Variants in ATP13A5 observed in about 807,000 individuals in gnomAD.
ATP13A5 encodes probable cation-transporting ATPase 13A5.
In ATP13A5, 149 loss-of-function variants were observed where a neutral mutation model predicts 150.2. The ratio of observed to expected loss-of-function variants is 0.99; its 90% CI spans 0.87 to 1.14. ATP13A5 has a LOEUF of 1.14. Among genes scored for constraint, ATP13A5 ranks in the 50% most tolerant of loss-of-function variants. The pLI is 0.00. For missense variants in ATP13A5, 1,383 were observed against 1,449.3 expected, an observed-to-expected ratio of 0.95 and a Z score of 0.74; for synonymous variants, 497 against 522.2, an observed-to-expected ratio of 0.95 and a Z score of 0.66.
At chr3:193,370,619 C>G (rs889027617) in intron 1 of ATP13A5, among the ~76,000 whole-genome samples, 1 of 152,118 alleles carries the variant, frequency 6.6e-6, no homozygotes, top group African/African-American at 2.4e-5. Flanking sequence ...TCACTATTGT[C>G]TAGGGTTATT....
chr3:193,357,995 A>C (rs1712855300), intron 5 of ATP13A5, among the ~76,000 whole-genome samples: 18 of 152,150 alleles, frequency 1.2e-4, no homozygotes, highest in Admixed American at 1.2e-3. Context: ...TTAACTTACC[A>C]ATAATTGTTA....
chr3:193,290,194 G>A, intron 25 of ATP13A5, 135 bp from the exon 26 acceptor site: 1 of 814,456 alleles, frequency 1.2e-6, no homozygotes, highest in Non-Finnish European at 1.8e-6. Flanking sequence ...TTTACACCTA[G>A]GTAAGCACAT....
chr3:193,333,852 C>T lies in ATP13A5; in HGVS notation c.1170G>A (p.Leu390=), dbSNP rs769266324. The T allele has an allele frequency of 6.2e-6, 10 of 1,613,836 alleles. No homozygotes were observed. Among genetic ancestry groups the T allele is most frequent in the Middle Eastern group, 1.6e-4 (1 of 6,072 alleles). Residue 390 remains leucine (L), a synonymous_variant, in exon 11 of 30, where the codon CTG becomes CTA. Coordinates refer to ENST00000342358, the MANE Select transcript of ATP13A5 (RefSeq NM_198505.4). ...AGGCATCGCTGTATAGTTTGAAGTT[C>T]AGAGGCCGGGGGTACAGGATGGATC... is the stretch of plus-strand genomic sequence containing the variant. ...LVRSILYPRP[L]NFKLYSDAFK... is the part of the protein sequence containing the mutation.
rs1372027176 is a variant in ATP13A5 at position 193,314,140 on chromosome 3, G to C, written c.2212C>G (p.Pro738Ala). 9.9e-6 allele frequency: 16 copies of C among 1,613,792 alleles called. No homozygotes were observed. In the East Asian group the frequency reaches 3.3e-4, roughly 34 times the overall value. The part of the protein sequence containing the change: ...TVAKNSEMIP[P>A]GSQVIIVEAD... ...TCAACAATGATCACTTGGCTGCCTGGAGGGATCATTTCAGAATTCTTTGCA... is the reference window on the plus strand; with the variant it reads ...TCAACAATGATCACTTGGCTGCCTGCAGGGATCATTTCAGAATTCTTTGCA... The change falls in exon 19 of 30, where the codon CCA (proline) becomes GCA (alanine). Residue 738 changes from proline to alanine, a missense_variant. By Grantham distance (27) the Pro-to-Ala change is conservative. Transcript: ENST00000342358.
At chr3:193,362,890 G>C (rs1275968400) in intron 3 of ATP13A5, among the ~76,000 whole-genome samples, 3 of 151,966 alleles carry the variant, frequency 2.0e-5, no homozygotes, top group African/African-American at 2.4e-5. Flanking sequence ...GACCTCCCAG[G>C]TTCAATCGAT....
chr3:193,321,126 G>A (rs1280958598), intron 16 of ATP13A5, among the ~76,000 whole-genome samples: 1 of 152,086 alleles, frequency 6.6e-6, no homozygotes, highest in Non-Finnish European at 1.5e-5. Flanking sequence ...GGCTCCTGAT[G>A]CAAGCTTCAC....
At chr3:193,349,059 T>G (rs1712463685) in intron 7 of ATP13A5, among the ~76,000 whole-genome samples, 1 of 152,190 alleles carries the variant, frequency 6.6e-6, no homozygotes. Flanking sequence ...ACATTGTGAA[T>G]GTGGGCGCCT....
chr3:193,298,516 G>T (rs1231830602), intron 25 of ATP13A5, among the ~76,000 whole-genome samples: 1 of 151,972 alleles, frequency 6.6e-6, no homozygotes, highest in African/African-American at 2.4e-5. Flanking sequence ...TTCATAACAT[G>T]CCTATTGTTG....
At chr3:193,325,114 G>A in intron 13 of ATP13A5, 100 bp from the exon 14 acceptor site, 1 of 1,181,792 alleles carries the variant, frequency 8.5e-7, no homozygotes, top group Non-Finnish European at 1.2e-6. Context: ...TAACGTTCAT[G>A]CTCAGAACCT....
At position 193,286,923 on chromosome 3, in the gene ATP13A5, T is replaced by C. The variant is rs555231312; in HGVS notation, c.3024-1807A>G. 5.3e-5 allele frequency among the ~76,000 whole-genome samples: 8 copies of C among 152,262 alleles called. No homozygotes were observed. The East Asian group carries it at 1.4e-3, about 26-fold the overall frequency. On this transcript the variant is annotated intron_variant, in intron 26 of 29. Transcript: ENST00000342358. ...TTCTTGAAGAAAATTAAAAGTGTTA[T>C]TCCAGTGAACACATGAACAATAAGG... is the stretch of plus-strand genomic sequence containing the variant.
At chr3:193,340,633 G>A (rs1712081154) in intron 9 of ATP13A5, among the ~76,000 whole-genome samples, 2 of 152,174 alleles carry the variant, frequency 1.3e-5, no homozygotes, top group African/African-American at 4.8e-5. Context: ...GCGGCAGAGT[G>A]CATGCCACCC....
intron 21 of ATP13A5, among the ~76,000 whole-genome samples, chr3:193,308,267 A>G (rs1022257158): frequency 3.3e-5 from 5 of 151,990 alleles, no homozygotes; most frequent in Non-Finnish European, 2.9e-5. Context: ...AGACCAGCCT[A>G]GCCAACACAG....
chr3:193,329,132 C>G (rs1163432632), intron 12 of ATP13A5, among the ~76,000 whole-genome samples: 11 of 152,070 alleles, frequency 7.2e-5, no homozygotes, highest in Non-Finnish European at 1.2e-4. Context: ...GTAATCCCAG[C>G]TACTCGGGAG....
At chr3:193,309,966 C>T (rs1203523714) in intron 21 of ATP13A5, among the ~76,000 whole-genome samples, 1 of 151,984 alleles carries the variant, frequency 6.6e-6, no homozygotes, top group Non-Finnish European at 1.5e-5. Flanking sequence ...ATTTCATCAC[C>T]CAGGAATTAA....
At chr3:193,307,193 G>C in intron 22 of ATP13A5, 134 bp downstream of exon 22, 1 of 1,536,436 alleles carries the variant, frequency 6.5e-7, no homozygotes, top group Non-Finnish European at 8.8e-7. Context: ...CACTCAGGTA[G>C]AGGTGGATAT....
At chr3:193,296,440 G>A (rs1718174670) in intron 25 of ATP13A5, among the ~76,000 whole-genome samples, 1 of 152,078 alleles carries the variant, frequency 6.6e-6, no homozygotes, top group South Asian at 2.1e-4. Flanking sequence ...ATTAAATAGG[G>A]AATCCTTTCC....
At chr3:193,343,805 G>T in intron 9 of ATP13A5, 122 bp downstream of exon 9, 2 of 1,127,400 alleles carry the variant, frequency 1.8e-6, no homozygotes, top group Non-Finnish European at 2.4e-6. Flanking sequence ...TGCAAAGGCT[G>T]GCTGTGTCTC....
At position 193,279,724 on chromosome 3, in the gene ATP13A5, T is replaced by C. The variant is rs555866158; in HGVS notation, c.3227-270A>G. 9.2e-5 allele frequency among the ~76,000 whole-genome samples: 14 copies of C among 152,250 alleles called. No homozygotes were observed. The East Asian group carries it at 2.7e-3, about 30-fold the overall frequency. ...AGCAGCTGCCCTGGTGCACTATCAC[T>C]GCGTGTCCAGTGAGTTGTGCTTGCG... is the stretch of plus-strand genomic sequence containing the variant. On this transcript the variant is annotated intron_variant, in intron 27 of 29. Coordinates refer to ENST00000342358, the MANE Select transcript of ATP13A5 (RefSeq NM_198505.4).
rs1713155443 is a variant in ATP13A5, at chr3:193,364,252, A to G, written c.92T>C (p.Val31Ala). ...TGCGACAAGGCAGAAGGCTTTCCGT[A>G]CATTGTGGTCCCGGTAACCAAACAC... ...LEVFGYRDHN[V>A]RKAFCLVASV... Residue 31 changes from valine (V) to alanine (A), a missense_variant, in exon 2 of 30, where the codon GTA (valine) becomes GCA (alanine). This residue lies in a region of ATP13A5 where 787 missense variants were observed against 771.9 expected (regional missense o/e 1.02). Transcript: ENST00000342358. The G allele has an allele frequency of 4.3e-6, 7 of 1,613,828 alleles. No individual in the cohort carries two copies. The highest frequency in any genetic ancestry group is 1.3e-5 in the African/African-American group (1 of 74,918).
Sources: gnomAD v4.1 joint callset for allele counts (sites outside exome capture counted in the v4.1 genomes callset) on GRCh38, gnomAD v4.1.1 for gene constraint, gnomAD v4.1.1 regional missense constraint, MANE v1.5 for transcripts, NCBI Gene and HGNC (gene_info 2026-07-23, HGNC 2026-07-21) for gene names.